The following DYM variants were observed in gnomAD, a reference collection of about 807,000 sequenced individuals.
DYM encodes the protein dyggve-Melchior-Clausen syndrome protein.
Under a neutral mutation model 93.1 loss-of-function variants are expected in DYM, and 78 were observed. The observed-to-expected ratio is 0.84, with a 90% CI of 0.70 to 1.01. The LOEUF (loss-of-function observed/expected upper bound fraction) is 1.01, where lower values mean the gene tolerates loss of function less well. DYM is among the 50% of genes least tolerant of loss of function. The probability of loss-of-function intolerance (pLI) is 0.00; values close to 1 mark genes in which losing one functional copy is unlikely to be tolerated. For missense variants in DYM, 789 were observed against 845.0 expected (o/e 0.93, Z 0.82); for synonymous variants, 321 against 319.7 (o/e 1.00, Z -0.04).
chr18:49,311,296 G>T (rs1229290865), intron 8 of DYM, among the ~76,000 whole-genome samples: 1 of 137,612 alleles, frequency 7.3e-6, no homozygotes, highest in African/African-American at 2.7e-5. Flanking sequence ...CTTATTATCA[G>T]TGAGATCCAC....
intron 2 of DYM, among the ~76,000 whole-genome samples, chr18:49,402,804 T>C (rs1413460107): frequency 6.6e-6 from 1 of 152,214 alleles, no homozygotes; most frequent in African/African-American, 2.4e-5. Flanking sequence ...ACTGCTCACA[T>C]AGATTTCCAA....
chr18:49,176,221 A>G (rs11874831), intron 14 of DYM, among the ~76,000 whole-genome samples: 95,115 of 151,906 alleles, frequency 0.63, 30,861 homozygotes, highest in Non-Finnish European at 0.73. Context: ...AAAAATTATT[A>G]CTGATAAAAT....
At chr18:49,145,271 G>C (rs2084998518) in intron 15 of DYM, among the ~76,000 whole-genome samples, 1 of 151,164 alleles carries the variant, frequency 6.6e-6, no homozygotes, top group Non-Finnish European at 1.5e-5. Context: ...CTATACAAAT[G>C]TCATTAGTAA....
At chr18:49,192,171 T>A (rs988810807) in intron 14 of DYM, among the ~76,000 whole-genome samples, 1 of 143,926 alleles carries the variant, frequency 6.9e-6, no homozygotes, top group Non-Finnish European at 1.5e-5. Context: ...CCTCAAGCGA[T>A]CCTTCCACCC....
chr18:49,270,882 C>G (rs1309551510), intron 11 of DYM, among the ~76,000 whole-genome samples: 1 of 152,042 alleles, frequency 6.6e-6, no homozygotes, highest in Admixed American at 6.5e-5. Context: ...AGTGTCTGTA[C>G]CCTTATAAAG....
intron 2 of DYM, among the ~76,000 whole-genome samples, chr18:49,403,996 CTGT>C (rs1183096763): frequency 6.7e-6 from 1 of 148,548 alleles, no homozygotes; most frequent in African/African-American, 2.5e-5. Context: ...GTTGTTTTTT[CTGT>C]TTTTTTTTTG....
At chr18:49,171,098 G>C (rs1199109216) in intron 14 of DYM, among the ~76,000 whole-genome samples, 1 of 152,178 alleles carries the variant, frequency 6.6e-6, no homozygotes, top group Non-Finnish European at 1.5e-5. Flanking sequence ...ACTGTCAGAG[G>C]GGAGGAGGAG....
At chr18:49,396,725 G>A (rs1432906152) in intron 2 of DYM, among the ~76,000 whole-genome samples, 1 of 151,990 alleles carries the variant, frequency 6.6e-6, no homozygotes, top group African/African-American at 2.4e-5. Flanking sequence ...TATACACAAT[G>A]GAATACTATT....
intron 17 of DYM, among the ~76,000 whole-genome samples, chr18:49,069,775 G>A (rs184135203): frequency 4.3e-4 from 66 of 152,312 alleles, no homozygotes; most frequent in Admixed American, 1.0e-3. Context: ...AGGCATGGTG[G>A]CTCACGCCTG....
intron 15 of DYM, among the ~76,000 whole-genome samples, chr18:49,120,132 G>A (rs899656360): frequency 6.8e-6 from 1 of 146,744 alleles, no homozygotes; most frequent in African/African-American, 2.5e-5. Context: ...AAGAACCAGA[G>A]ATATATCAAA....
At chr18:49,379,569 A>T in intron 4 of DYM, 96 bp downstream of exon 4, 1 of 1,099,802 alleles carries the variant, frequency 9.1e-7, no homozygotes. Flanking sequence ...CTTCACAGAG[A>T]TTTTCAAAAG....
chr18:49,149,690 C>T (rs1427028123), intron 15 of DYM, among the ~76,000 whole-genome samples: 1 of 148,550 alleles, frequency 6.7e-6, no homozygotes, highest in Non-Finnish European at 1.5e-5. Flanking sequence ...ATTTCAAGCA[C>T]CATTACAAAG....
intron 17 of DYM, among the ~76,000 whole-genome samples, chr18:49,056,027 C>A (rs181959016): frequency 6.6e-6 from 1 of 152,088 alleles, no homozygotes. Context: ...CCAGCAGCCA[C>A]GTGAGCCTGG....
At chr18:49,297,686 T>C (rs945794485) in intron 8 of DYM, among the ~76,000 whole-genome samples, 1 of 152,092 alleles carries the variant, frequency 6.6e-6, no homozygotes, top group Non-Finnish European at 1.5e-5. Flanking sequence ...TGATTTTTTT[T>C]CCTCATCAAA....
chr18:49,144,131 T>C (rs897814816), intron 15 of DYM, among the ~76,000 whole-genome samples: 1 of 152,188 alleles, frequency 6.6e-6, no homozygotes, highest in Non-Finnish European at 1.5e-5. Context: ...TTGGTCTTCA[T>C]TAATGTGTTT....
At chr18:49,120,632 T>G (rs2082301913) in intron 15 of DYM, among the ~76,000 whole-genome samples, 1 of 152,204 alleles carries the variant, frequency 6.6e-6, no homozygotes, top group Non-Finnish European at 1.5e-5. Flanking sequence ...TGGTTGAATC[T>G]GTGCATGTGT....
intron 13 of DYM, among the ~76,000 whole-genome samples, chr18:49,227,247 C>G (rs1378282941): frequency 6.6e-6 from 1 of 152,104 alleles, no homozygotes; most frequent in Non-Finnish European, 1.5e-5. Context: ...AAACTGAGCT[C>G]TAAGTTATGA....
At position 49,449,385 on chromosome 18, in the gene DYM, A is replaced by G. The variant is rs147387221; in HGVS notation, c.-54+11013T>C. Among the ~76,000 whole-genome samples the G allele has an allele frequency of 5.3e-3, 800 of 152,340 alleles. 9 individuals carry two copies. Among genetic ancestry groups the G allele is most frequent in the African/African-American group, 0.018 (740 of 41,568 alleles). ...AAAATAGGGAAGGCAAAGAAATAAG[A>G]GAAACACAATTCCCAATAGGAAGAG... is the stretch of plus-strand genomic sequence containing the variant. On this transcript the variant is annotated intron_variant, in intron 1 of 17. Coordinates refer to ENST00000675505, the MANE Select transcript of DYM (RefSeq NM_001353214.3).
intron 3 of DYM, among the ~76,000 whole-genome samples, chr18:49,388,956 G>A (rs1426671291): frequency 1.3e-5 from 2 of 149,650 alleles, no homozygotes; most frequent in East Asian, 1.9e-4. Context: ...ATTGTTGCCA[G>A]TAGACCAGCA....
Sources: gnomAD v4.1 joint callset for allele counts (sites outside exome capture counted in the v4.1 genomes callset) on GRCh38, gnomAD v4.1.1 for gene constraint, MANE v1.5 for transcripts, NCBI Gene and HGNC (gene_info 2026-07-23, HGNC 2026-07-21) for gene names.